Variants in CENPW observed in about 807,000 individuals in gnomAD.
CENPW encodes cancer-up-regulated gene 2 protein.
A neutral mutation model predicts 11.1 loss-of-function variants in CENPW; 3 were observed. The observed-to-expected ratio is 0.27, with a 90% CI of 0.12 to 0.70. The LOEUF (loss-of-function observed/expected upper bound fraction) is 0.70, where lower values mean the gene tolerates loss of function less well. Among genes scored for constraint, CENPW ranks in the 30% least tolerant of loss-of-function variants. The pLI is 0.77. For missense variants in CENPW, 100 were observed against 105.6 expected, an observed-to-expected ratio of 0.95 and a Z score of 0.23; for synonymous variants, 38 against 42.0, an observed-to-expected ratio of 0.91 and a Z score of 0.37.
At chr6:126,464,340 T>C in the CENPW span, among the ~76,000 whole-genome samples, 1 of 152,090 alleles carries the variant, frequency 6.6e-6, no homozygotes, top group Non-Finnish European at 1.5e-5. Flanking sequence ...TAGAGGGTAC[T>C]GTGATGGTTA....
the CENPW span, among the ~76,000 whole-genome samples, chr6:126,445,175 T>C: frequency 6.0e-4 from 91 of 151,254 alleles, no homozygotes; most frequent in African/African-American, 2.0e-3. Context: ...AAATATCTGT[T>C]AGAAATTTGC....
the CENPW span, among the ~76,000 whole-genome samples, chr6:126,366,901 A>G: frequency 2.6e-5 from 4 of 152,206 alleles, no homozygotes; most frequent in African/African-American, 9.7e-5. Flanking sequence ...AGACAGATGC[A>G]CAAGAGAGCA....
the CENPW span, among the ~76,000 whole-genome samples, chr6:126,473,994 A>G: frequency 4.0e-5 from 6 of 148,370 alleles, no homozygotes; most frequent in Admixed American, 1.4e-4. Context: ...TATATAGAAT[A>G]TATAGAATAT....
chr6:126,456,199 A>C, the CENPW span, among the ~76,000 whole-genome samples: 1 of 151,432 alleles, frequency 6.6e-6, no homozygotes, highest in Admixed American at 6.6e-5. Context: ...ATAATTAGTA[A>C]AAACTTTTAA....
At chr6:126,372,877 C>T in the CENPW span, among the ~76,000 whole-genome samples, 5 of 152,082 alleles carry the variant, frequency 3.3e-5, no homozygotes, top group Admixed American at 6.6e-5. Context: ...TGGGATATTA[C>T]GAGTAATATA....
the CENPW span, among the ~76,000 whole-genome samples, chr6:126,388,652 G>A: frequency 1.3e-5 from 2 of 152,052 alleles, no homozygotes; most frequent in African/African-American, 4.8e-5. Context: ...TGCTTACTTG[G>A]TTGATGTACT....
chr6:126,416,437 C>T, the CENPW span, among the ~76,000 whole-genome samples: 8 of 152,110 alleles, frequency 5.3e-5, no homozygotes, highest in Admixed American at 4.6e-4. Flanking sequence ...CAGAAATTTG[C>T]GTAATTAACG....
At chr6:126,467,826 A>C in the CENPW span, among the ~76,000 whole-genome samples, 1 of 152,166 alleles carries the variant, frequency 6.6e-6, no homozygotes, top group Non-Finnish European at 1.5e-5. Flanking sequence ...AAGTCTGACA[A>C]ACATTAGCTC....
chr6:126,394,557 G>A, the CENPW span, among the ~76,000 whole-genome samples: 40 of 152,120 alleles, frequency 2.6e-4, no homozygotes, highest in African/African-American at 9.1e-4. Context: ...CTTATGAGGA[G>A]TTTACACACC....
At chr6:126,478,746 T>C in the CENPW span, among the ~76,000 whole-genome samples, 86 of 152,158 alleles carry the variant, frequency 5.7e-4, 1 homozygote, top group East Asian at 0.011. Flanking sequence ...CCCAGAACAC[T>C]GGAACTGCTA....
At chr6:126,479,174 A>C in the CENPW span, among the ~76,000 whole-genome samples, 1 of 151,922 alleles carries the variant, frequency 6.6e-6, no homozygotes, top group Non-Finnish European at 1.5e-5. Context: ...TTTCCTTTAA[A>C]GGCTATTGTC....
At chr6:126,430,861 A>C in the CENPW span, among the ~76,000 whole-genome samples, 1 of 152,070 alleles carries the variant, frequency 6.6e-6, no homozygotes, top group Non-Finnish European at 1.5e-5. Context: ...CGGAGGCTGC[A>C]GTGAGCCGAG....
the CENPW span, among the ~76,000 whole-genome samples, chr6:126,418,164 G>C: frequency 6.6e-6 from 1 of 152,138 alleles, no homozygotes; most frequent in African/African-American, 2.4e-5. Context: ...AAAATGGTGC[G>C]TCTACTTTGT....
At chr6:126,374,090 A>G in the CENPW span, among the ~76,000 whole-genome samples, 1 of 152,292 alleles carries the variant, frequency 6.6e-6, no homozygotes, top group South Asian at 2.1e-4. Context: ...TCACAGGGAT[A>G]GAGGGAGAAT....
At chr6:126,436,497 T>G in the CENPW span, among the ~76,000 whole-genome samples, 1 of 151,800 alleles carries the variant, frequency 6.6e-6, no homozygotes, top group Non-Finnish European at 1.5e-5. Context: ...AGATATGATA[T>G]TTCCTTCTAA....
the CENPW span, among the ~76,000 whole-genome samples, chr6:126,461,766 A>C: frequency 6.6e-6 from 1 of 151,982 alleles, no homozygotes; most frequent in Non-Finnish European, 1.5e-5. Flanking sequence ...TGTTGTAAGT[A>C]ATAATAGAGG....
chr6:126,409,888 G>C, the CENPW span, among the ~76,000 whole-genome samples: 2 of 151,696 alleles, frequency 1.3e-5, no homozygotes, highest in African/African-American at 4.8e-5. Context: ...TTTTAAGTGG[G>C]GGATTTAATC....
the CENPW span, among the ~76,000 whole-genome samples, chr6:126,415,310 T>C: frequency 1.3e-5 from 2 of 152,170 alleles, no homozygotes; most frequent in Non-Finnish European, 2.9e-5. Context: ...GATTATAACC[T>C]TACAAAAGCA....
intron 1 of CENPW, among the ~76,000 whole-genome samples, chr6:126,345,065 T>C (rs995391125): frequency 2.0e-4 from 31 of 152,084 alleles, no homozygotes; most frequent in African/African-American, 7.2e-4. Context: ...GAGTACTACA[T>C]ATGATTCTTG....
Sources: gnomAD v4.1 joint callset for allele counts (sites outside exome capture counted in the v4.1 genomes callset) on GRCh38, gnomAD v4.1.1 for gene constraint, MANE v1.5 for transcripts, NCBI Gene and HGNC (gene_info 2026-07-23, HGNC 2026-07-21) for gene names.